Variants in KLHL18 observed in about 807,000 individuals in gnomAD.
KLHL18 encodes kelch like family member 18.
KLHL18 carries 38 observed loss-of-function variants against 58.5 expected under a neutral mutation model. The observed-to-expected ratio is 0.65, with a 90% CI of 0.50 to 0.85. The LOEUF (loss-of-function observed/expected upper bound fraction) is 0.85. KLHL18 is among the 40% of genes least tolerant of loss of function. The pLI, the probability that KLHL18 is intolerant of heterozygous loss-of-function variation, is 0.00. For missense variants in KLHL18, 624 were observed against 778.4 expected (o/e 0.80, Z 2.36); for synonymous variants, 303 against 301.9 (o/e 1.00, Z -0.04).
rs142212788 is a variant in KLHL18 at position 47,284,253 on chromosome 3, T to TCA, written c.129+1178_129+1179dup. Among the ~76,000 whole-genome samples, 1,067 of 148,428 alleles carry TCA rather than the reference T, an allele frequency of 7.2e-3. 7 individuals carry two copies. The highest frequency in any genetic ancestry group is 0.016 in the African/African-American group (651 of 40,586). On this transcript the variant is annotated intron_variant, in intron 1 of 9. Transcript: ENST00000232766. ...TTTCTCCTATTTCTCTCTGTCTCTC[T>TCA]CACACACACACACACACACAAATAA...
intron 8 of KLHL18, among the ~76,000 whole-genome samples, chr3:47,342,472 G>A (rs1704130388): frequency 6.6e-6 from 1 of 152,220 alleles, no homozygotes; most frequent in Non-Finnish European, 1.5e-5. Flanking sequence ...CAGAACTGTA[G>A]GAGAAAGAGG....
rs1325660227 is a variant in KLHL18 at position 47,344,042 on chromosome 3, C to T, written c.*101C>T. 12 of 1,466,602 alleles carry T rather than the reference C, an allele frequency of 8.2e-6. No individual in the cohort carries two copies. In the African/African-American group the frequency reaches 8.5e-5, roughly 10 times the overall value. 90.8% of individuals were successfully genotyped at this position (1,466,602 alleles called of 1,614,324 possible). ...AGAGGCAGTGGACCAGAAGAGATGG[C>T]GAAACGTGAGCTCGCCGGAGGTACA... On this transcript the variant is annotated 3_prime_UTR_variant, in exon 10 of 10. Transcript: ENST00000232766.
intron 1 of KLHL18, among the ~76,000 whole-genome samples, chr3:47,302,994 T>C (rs575735980): frequency 1.3e-5 from 2 of 152,336 alleles, no homozygotes; most frequent in Admixed American, 1.3e-4. Flanking sequence ...AGGTATAGTA[T>C]CAATTAGCTG....
chr3:47,291,858 A>G (rs537716643), intron 1 of KLHL18, among the ~76,000 whole-genome samples: 1 of 152,378 alleles, frequency 6.6e-6, no homozygotes, highest in East Asian at 1.9e-4. Flanking sequence ...GTAAGTGAGT[A>G]AGTAACATAG....
chr3:47,319,786 A>C lies in KLHL18; in HGVS notation c.260+3A>C. 8 of 1,613,110 alleles carry C rather than the reference A, an allele frequency of 5.0e-6. No homozygotes were observed. The highest frequency in any genetic ancestry group is 5.9e-6 in the Non-Finnish European group (7 of 1,179,256). ...GTAATGCAAGGAATGGACCCAAGGT[A>C]CTGAATCCCACCATTAGGTTTCGCA... is the stretch of plus-strand genomic sequence containing the variant. On this transcript the variant is annotated splice_donor_region_variant and intron_variant, in intron 2 of 9. Coordinates refer to ENST00000232766, the MANE Select transcript of KLHL18 (RefSeq NM_025010.5).
intron 1 of KLHL18, among the ~76,000 whole-genome samples, chr3:47,310,272 C>T (rs1353780316): frequency 6.6e-6 from 1 of 152,190 alleles, no homozygotes; most frequent in African/African-American, 2.4e-5. Flanking sequence ...TGAGGGCCTT[C>T]TGATTCCATC....
chr3:47,312,663 T>C (rs1417638294), intron 1 of KLHL18, among the ~76,000 whole-genome samples: 2 of 152,172 alleles, frequency 1.3e-5, no homozygotes, highest in Non-Finnish European at 1.5e-5. Context: ...TAGTTTATGT[T>C]ACATTTATTG....
At chr3:47,319,438 ATTC>A (rs1045109117) in intron 1 of KLHL18, among the ~76,000 whole-genome samples, 2 of 152,192 alleles carry the variant, frequency 1.3e-5, no homozygotes, top group African/African-American at 4.8e-5. Context: ...TATTGTTTAC[ATTC>A]TTCTACTGTA....
intron 1 of KLHL18, among the ~76,000 whole-genome samples, chr3:47,308,216 C>CT (rs398062309): frequency 7.7e-4 from 110 of 142,444 alleles, no homozygotes; most frequent in South Asian, 1.8e-3. Context: ...CTTAACTGTT[C>CT]TTTTTTTTTT....
chr3:47,298,381 A>G (rs1447751875), intron 1 of KLHL18, among the ~76,000 whole-genome samples: 1 of 151,904 alleles, frequency 6.6e-6, no homozygotes, highest in Admixed American at 6.6e-5. Context: ...AAGAGAAAAA[A>G]ACCTGTTTAG....
At chr3:47,289,366 G>A (rs1156637738) in intron 1 of KLHL18, among the ~76,000 whole-genome samples, 1 of 152,166 alleles carries the variant, frequency 6.6e-6, no homozygotes, top group East Asian at 1.9e-4. Flanking sequence ...ATGGGTGAAA[G>A]GTACAGTATT....
At chr3:47,320,903 AC>A (rs1478706234) in intron 2 of KLHL18, among the ~76,000 whole-genome samples, 1 of 152,142 alleles carries the variant, frequency 6.6e-6, no homozygotes, top group Non-Finnish European at 1.5e-5. Flanking sequence ...ACAGAGTGAG[AC>A]CTTGACTCTT....
chr3:47,286,181 C>T (rs573271113), intron 1 of KLHL18, among the ~76,000 whole-genome samples: 5 of 152,080 alleles, frequency 3.3e-5, no homozygotes, highest in African/African-American at 1.2e-4. Flanking sequence ...GTGGGAAGGA[C>T]TAGTATAAAC....
At chr3:47,338,023 T>C (rs1704024685) in intron 7 of KLHL18, 1 of 152,232 alleles carries the variant, frequency 6.6e-6, no homozygotes, top group South Asian at 2.1e-4. Context: ...ATCCTGTTAT[T>C]AGTGTGGGCC....
At chr3:47,283,417 G>T in intron 1 of KLHL18, 1 of 369,534 alleles carries the variant, frequency 2.7e-6, no homozygotes, top group Admixed American at 4.2e-5. Context: ...TGGAGGCAGG[G>T]GCGGTGGCCG....
chr3:47,300,409 GTATA>G (rs58561941), intron 1 of KLHL18, among the ~76,000 whole-genome samples: 2 of 145,008 alleles, frequency 1.4e-5, no homozygotes, highest in African/African-American at 5.0e-5. Flanking sequence ...GTGTGTGTGT[GTATA>G]TATATATATT....
intron 1 of KLHL18, among the ~76,000 whole-genome samples, chr3:47,286,313 G>A (rs1200905854): frequency 1.3e-5 from 2 of 152,172 alleles, no homozygotes; most frequent in African/African-American, 4.8e-5. Context: ...GAAAGAGCAT[G>A]CAAACCAGGC....
intron 1 of KLHL18, among the ~76,000 whole-genome samples, chr3:47,316,954 G>T (rs1215166620): frequency 1.3e-5 from 2 of 151,550 alleles, no homozygotes; most frequent in South Asian, 2.1e-4. Context: ...AAAAACAAAA[G>T]AACTAGAAGA....
At chr3:47,315,844 A>T (rs912784807) in intron 1 of KLHL18, among the ~76,000 whole-genome samples, 6 of 152,236 alleles carry the variant, frequency 3.9e-5, no homozygotes, top group African/African-American at 1.4e-4. Flanking sequence ...AGATTTGAGA[A>T]AATATTGCAT....
Sources: allele counts gnomAD v4.1 joint callset (sites outside exome capture counted in the v4.1 genomes callset), GRCh38; gene constraint gnomAD v4.1.1; transcripts MANE v1.5; gene names NCBI Gene and HGNC (gene_info 2026-07-23, HGNC 2026-07-21).